PTPRN2: variants seen among roughly 807,000 people sequenced by gnomAD.
PTPRN2 encodes receptor-type tyrosine-protein phosphatase N2.
Under a neutral mutation model 118.8 loss-of-function variants are expected in PTPRN2, and 74 were observed. The observed-to-expected ratio is 0.62, with a 90% CI of 0.52 to 0.76. The LOEUF is 0.76. Among genes scored for constraint, PTPRN2 ranks in the 30% least tolerant of loss-of-function variants. The pLI is 0.00. For synonymous variants in PTPRN2, 641 were observed against 608.0 expected (o/e 1.05, Z -0.80); for missense variants, 1,481 against 1,394.4 (o/e 1.06, Z -0.99).
intron 11 of PTPRN2, among the ~76,000 whole-genome samples, chr7:158,071,285 G>A (rs1464041485): frequency 2.8e-5 from 3 of 106,438 alleles, no homozygotes; most frequent in Admixed American, 1.8e-4. Flanking sequence ...TGCCCGTGGT[G>A]GTGGAGGTGC....
intron 9 of PTPRN2, among the ~76,000 whole-genome samples, chr7:158,116,746 T>C (rs1235169001): frequency 6.6e-6 from 1 of 152,202 alleles, no homozygotes; most frequent in Non-Finnish European, 1.5e-5. Context: ...CCCACCTTCA[T>C]TTTTCTCTTT....
chr7:157,806,568 GTA>G (rs1485727862), intron 12 of PTPRN2, among the ~76,000 whole-genome samples: 1 of 152,150 alleles, frequency 6.6e-6, no homozygotes, highest in African/African-American at 2.4e-5. Flanking sequence ...GCATATGTGT[GTA>G]TACATGTATA....
At chr7:158,130,851 CAACA>C (rs1406464597) in intron 9 of PTPRN2, among the ~76,000 whole-genome samples, 2 of 147,138 alleles carry the variant, frequency 1.4e-5, no homozygotes, top group African/African-American at 5.1e-5. Context: ...CACATCTACC[CAACA>C]CACACACTCA....
chr7:158,553,798 G>C (rs1005565197), intron 1 of PTPRN2, among the ~76,000 whole-genome samples: 1 of 148,866 alleles, frequency 6.7e-6, no homozygotes, highest in African/African-American at 2.5e-5. Flanking sequence ...CTGCATTTGG[G>C]GGATCCCAGC....
rs149505789 is a variant in PTPRN2 at position 158,568,022 on chromosome 7, G to T, written c.112+19536C>A. Among the ~76,000 whole-genome samples, 214 of 152,324 alleles carry T rather than the reference G, an allele frequency of 1.4e-3. 2 individuals are homozygous for T. The highest frequency in any genetic ancestry group is 5.0e-3 in the African/African-American group (208 of 41,560). On this transcript the variant is annotated intron_variant, in intron 1 of 22. Coordinates refer to ENST00000389418, the MANE Select transcript of PTPRN2 (RefSeq NM_002847.5). ...AATCCCAACACTTTGGGAGGCTGAT[G>T]CAGGCAGATCACTTGAGGTCACAAG...
At chr7:158,550,949 C>T (rs574974018) in intron 1 of PTPRN2, among the ~76,000 whole-genome samples, 1 of 152,182 alleles carries the variant, frequency 6.6e-6, no homozygotes, top group East Asian at 1.9e-4. Context: ...CATGAGTGAC[C>T]CACACAGCAC....
intron 4 of PTPRN2, among the ~76,000 whole-genome samples, chr7:158,199,403 G>C (rs757072622): frequency 6.6e-6 from 1 of 152,198 alleles, no homozygotes; most frequent in Non-Finnish European, 1.5e-5. Flanking sequence ...CTGCTTAAGG[G>C]ACCTCATGTG....
rs1468220705 is a variant in PTPRN2, at chr7:157,898,657, C to G, written c.1788+16G>C. 4 of 1,567,468 alleles carry G rather than the reference C, an allele frequency of 2.6e-6. No individual in the cohort carries two copies. The highest frequency in any genetic ancestry group is 3.3e-5 in the Admixed American group (2 of 59,920). The stretch of plus-strand genomic sequence containing the variant: ...CTGCAGATCGCAGAGCAGACGGCAC[C>G]CCTTCTGTTACTCACCGACCCGACT... On this transcript the variant is annotated intron_variant, in intron 12 of 22. Transcript: ENST00000389418.
At chr7:157,878,927 C>T (rs113106879) in intron 12 of PTPRN2, among the ~76,000 whole-genome samples, 1 of 136,786 alleles carries the variant, frequency 7.3e-6, no homozygotes, top group Non-Finnish European at 1.5e-5. Context: ...GAGGAGCTCT[C>T]GGATTCCGTG....
intron 3 of PTPRN2, 66 bp from the exon 4 acceptor site, chr7:158,205,339 T>C: frequency 8.4e-7 from 1 of 1,196,638 alleles, no homozygotes; most frequent in Admixed American, 1.8e-5. Flanking sequence ...CTTGCTTCAG[T>C]CTCACAATTA....
chr7:157,928,222 C>T lies in PTPRN2; in HGVS notation c.1724-29485G>A, dbSNP rs1056797202. ...CAGGGCCATAGGCAGATACAGGACC[C>T]GACCCAGAGCCCACACTCAGCCATG... On this transcript the variant is annotated intron_variant, in intron 11 of 22. Coordinates refer to ENST00000389418, the MANE Select transcript of PTPRN2 (RefSeq NM_002847.5). Among the ~76,000 whole-genome samples, 10 of 152,138 alleles carry T rather than the reference C, an allele frequency of 6.6e-5. No homozygotes were observed. In the East Asian group the frequency reaches 7.7e-4, roughly 12 times the overall value.
rs540405408 is a variant in PTPRN2, at chr7:158,489,598, C to G, written c.163+137G>C. On this transcript the variant is annotated intron_variant, in intron 2 of 22. Transcript: ENST00000389418. ...GGCCGCAGCCCATGGCTCCGGGGTT[C>G]CATCCGCCTCCTCTCGGCAGCGCGC... is the stretch of plus-strand genomic sequence containing the variant. The G allele has an allele frequency of 1.1e-5, 9 of 834,602 alleles. No homozygotes were observed. In the East Asian group the frequency reaches 3.0e-4, roughly 28 times the overall value. The allele number at this position is 834,602 out of a possible 1,614,324, so 51.7% of individuals were successfully genotyped here.
chr7:158,168,760 GT>G (rs141808787), intron 5 of PTPRN2, among the ~76,000 whole-genome samples: 2,671 of 152,220 alleles, frequency 0.018, 73 homozygotes, highest in African/African-American at 0.061. Flanking sequence ...GTAAAATTCC[GT>G]TAAGAGGACA....
intron 11 of PTPRN2, among the ~76,000 whole-genome samples, chr7:158,073,074 G>A (rs939045607): frequency 6.6e-6 from 1 of 152,158 alleles, no homozygotes; most frequent in Admixed American, 6.5e-5. Context: ...AGCTGAGGCA[G>A]GATCTGCTGG....
chr7:158,195,004 A>C (rs1479830532), intron 4 of PTPRN2, among the ~76,000 whole-genome samples: 8 of 152,242 alleles, frequency 5.3e-5, no homozygotes, highest in Non-Finnish European at 8.8e-5. Context: ...AATGTGATTT[A>C]AGTGACAGGA....
intron 11 of PTPRN2, among the ~76,000 whole-genome samples, chr7:157,969,014 T>C (rs576484098): frequency 6.6e-5 from 10 of 152,336 alleles, no homozygotes; most frequent in African/African-American, 2.2e-4. Context: ...TTGAAATGTA[T>C]ACTCGTTGAA....
At chr7:158,211,072 G>A (rs79347238) in intron 3 of PTPRN2, among the ~76,000 whole-genome samples, 5,274 of 152,226 alleles carry the variant, frequency 0.035, 323 homozygotes, top group African/African-American at 0.12. Context: ...CTGTCCTGGG[G>A]ATAGGACAGT....
At chr7:158,524,414 G>A (rs1257198834) in intron 1 of PTPRN2, among the ~76,000 whole-genome samples, 17 of 143,006 alleles carry the variant, frequency 1.2e-4, no homozygotes, top group South Asian at 4.6e-4. Flanking sequence ...GCCCTGGAGC[G>A]GAGTCTGCCC....
At chr7:157,652,983 C>T (rs1048830678) in intron 14 of PTPRN2, among the ~76,000 whole-genome samples, 3 of 152,208 alleles carry the variant, frequency 2.0e-5, no homozygotes, top group African/African-American at 7.2e-5. Flanking sequence ...GCCAGGAGGC[C>T]CTTCCTGTGG....
Sources: gnomAD v4.1 joint callset for allele counts (sites outside exome capture counted in the v4.1 genomes callset) on GRCh38, gnomAD v4.1.1 for gene constraint, MANE v1.5 for transcripts, NCBI Gene and HGNC (gene_info 2026-07-23, HGNC 2026-07-21) for gene names.